ZNF281: variants seen among roughly 807,000 people sequenced by gnomAD.
The protein encoded by ZNF281 is zinc finger protein 281.
A neutral mutation model predicts 58.8 loss-of-function variants in ZNF281; 2 were observed. That is an observed-to-expected ratio of 0.03 (90% CI 0.01 to 0.11). The LOEUF (loss-of-function observed/expected upper bound fraction) is 0.11. ZNF281 is among the 10% of genes least tolerant of loss of function. The pLI, the probability that ZNF281 is intolerant of heterozygous loss-of-function variation, is 1.00. For missense variants in ZNF281, 975 were observed against 1,090.7 expected, an observed-to-expected ratio of 0.89 and a Z score of 1.49; for synonymous variants, 465 against 407.7, an observed-to-expected ratio of 1.14 and a Z score of -1.69.
In ZNF281 at chr1:200,409,503, C is replaced by G; in HGVS notation, c.203G>C (p.Gly68Ala). Residue 68 changes from glycine (G) to alanine (A), a missense_variant, in exon 2 of 2, where the codon GGG becomes GCG. This residue lies in a region of ZNF281 where 370 missense variants were observed against 360.9 expected (regional missense o/e 1.03). Coordinates refer to ENST00000367353, the MANE Select transcript of ZNF281 (RefSeq NM_001281293.2). ...PPVTSFTRPA[G>A]SAAPPPQCVL... ...GCATTGCGGGGGAGGGGCGGCCGAC[C>G]CCGCCGGCCGGGTGAAGCTGGTGAC... The G allele has an allele frequency of 6.5e-7, 1 of 1,548,980 alleles. No individual in the cohort carries two copies. Among genetic ancestry groups the G allele is most frequent in the Non-Finnish European group, 8.7e-7 (1 of 1,146,312 alleles).
rs1245615719 is a variant in ZNF281, at chr1:200,408,881, G to A, written c.825C>T (p.His275=). ...HCSAAFRSSY[H]LRRHVLIHTG... ...TATGAATGAGGACATGTCTCCGCAG[G>A]TGATAGGAGCTTCGGAAAGCAGCAC... The change falls in exon 2 of 2, where the codon CAC becomes CAT. Residue 275 remains histidine, a synonymous_variant. Transcript: ENST00000367353. 11 of 1,614,120 alleles carry A rather than the reference G, an allele frequency of 6.8e-6. No homozygotes were observed. Among genetic ancestry groups the A allele is most frequent in the Non-Finnish European group, 8.5e-6 (10 of 1,180,048 alleles).
At position 200,408,752 on chromosome 1, in the gene ZNF281, T is replaced by A. The variant is rs1415658595; in HGVS notation, c.954A>T (p.Gly318=). Residue 318 remains glycine, a synonymous_variant, in exon 2 of 2, where the codon GGA becomes GGT. Transcript: ENST00000367353. The part of the protein sequence containing the change: ...EKIHSREKPF[G]CDQCSMKFIQ... ...TAAACTTCATGCTGCACTGATCACA[T>A]CCAAATGGCTTCTCTCTACTATGAA... The A allele has an allele frequency of 6.2e-7, 1 of 1,614,036 alleles. No individual in the cohort carries two copies. The highest frequency in any genetic ancestry group is 1.3e-5 in the African/African-American group (1 of 74,950).
rs914113830 is a variant in ZNF281 at position 200,406,155 on chromosome 1, A to T, written c.*863T>A. On this transcript the variant is annotated 3_prime_UTR_variant, in exon 2 of 2. Coordinates refer to ENST00000367353, the MANE Select transcript of ZNF281 (RefSeq NM_001281293.2). ...TGCCCCAAATTTCAGTTAATCATAT[A>T]ATTTCAACTTGAGTTCTAATACTGG... 2 of 152,452 alleles carry T rather than the reference A, an allele frequency of 1.3e-5. No homozygotes were observed. The highest frequency in any genetic ancestry group is 2.9e-5 in the Non-Finnish European group (2 of 68,022). 9.4% of individuals were successfully genotyped at this position (152,452 alleles called of 1,614,324 possible).
rs1416943625 is a variant in ZNF281, at chr1:200,405,971, T to C, written c.*1047A>G. Reference sequence around the variant, plus strand: ...AGTGAATTACCTACTGGAATGTAAATGGTTCTAAAATTAAAACTGTTAAAA... The same window carrying C: ...AGTGAATTACCTACTGGAATGTAAACGGTTCTAAAATTAAAACTGTTAAAA... On this transcript the variant is annotated 3_prime_UTR_variant, in exon 2 of 2. Coordinates refer to ENST00000367353, the MANE Select transcript of ZNF281 (RefSeq NM_001281293.2). 6.6e-6 allele frequency: 1 copy of C among 151,904 alleles called. No homozygotes were observed. Among genetic ancestry groups the C allele is most frequent in the East Asian group, 1.9e-4 (1 of 5,176 alleles). The allele number at this position is 151,904 out of a possible 1,614,324, so 9.4% of individuals were successfully genotyped here.
chr1:200,410,028 C>A lies in ZNF281; in HGVS notation c.-101G>T. 2.2e-6 allele frequency: 1 copy of A among 456,024 alleles called. No homozygotes were observed. Among genetic ancestry groups the A allele is most frequent in the Non-Finnish European group, 3.9e-6 (1 of 255,000 alleles). The allele number at this position is 456,024 out of a possible 1,614,324, so 28.2% of individuals were successfully genotyped here. ...TCTCCACAATGGAATTAAAAGCCTC[C>A]CGTGTACTGCGCAGCCGCGGCGCAG... is the stretch of plus-strand genomic sequence containing the variant. On this transcript the variant is annotated 5_prime_UTR_variant, in exon 1 of 2. Coordinates refer to ENST00000367353, the MANE Select transcript of ZNF281 (RefSeq NM_001281293.2).
At position 200,409,349 on chromosome 1, in the gene ZNF281, C is replaced by A. The variant is rs757886747; in HGVS notation, c.357G>T (p.Gly119=). 7.7e-6 allele frequency: 12 copies of A among 1,557,974 alleles called. No individual in the cohort carries two copies. In the East Asian group the frequency reaches 2.4e-4, roughly 31 times the overall value. ...AAFPSQRTSW[G]FLQSLVSIKQ... is the part of the protein sequence containing the mutation. ...TGATGCTAACCAAAGACTGCAAGAACCCCCAGGAGGTCCTCTGCGAGGGGA... is the reference window on the plus strand; with the variant it reads ...TGATGCTAACCAAAGACTGCAAGAAACCCCAGGAGGTCCTCTGCGAGGGGA... The change falls in exon 2 of 2, where the codon GGG becomes GGT. Residue 119 remains glycine, a synonymous_variant. Transcript: ENST00000367353.
Position 200,409,433 on chromosome 1 carries a change from G to C in ZNF281, c.273C>G (p.Pro91=), listed in dbSNP as rs561151390. ...STSAAPAAEP[P]PPPAPDMTFK... is the part of the protein sequence containing the mutation. ...AAGTCATGTCCGGGGCTGGCGGAGG[G>C]GGGGGCTCAGCGGCCGGGGCTGCGG... Residue 91 remains proline, a synonymous_variant, in exon 2 of 2, where the codon CCC becomes CCG. Coordinates refer to ENST00000367353, the MANE Select transcript of ZNF281 (RefSeq NM_001281293.2). The C allele has an allele frequency of 4.2e-5, 64 of 1,523,696 alleles. No homozygotes were observed. The Admixed American group carries it at 9.2e-4, about 22-fold the overall frequency. The allele number at this position is 1,523,696 out of a possible 1,614,324, so 94.4% of individuals were successfully genotyped here.
chr1:200,409,278 T>C lies in ZNF281; in HGVS notation c.428A>G (p.His143Arg). ...CCCCCCATAGTGGTGGTGGTGATGG[T>C]GGTGGTGGGACTGCTGCTCCTCAGG... ...ADPEEQQSHH[H>R]HHHHHYGGLF... Residue 143 changes from histidine to arginine, a missense_variant, in exon 2 of 2, where the codon CAC (histidine) becomes CGC (arginine). Around this residue, in one of 3 missense-constraint regions of ZNF281, gnomAD observed 370 missense variants for 360.9 expected, o/e 1.03. Transcript: ENST00000367353. The C allele has an allele frequency of 6.2e-7, 1 of 1,612,972 alleles. No homozygotes were observed. The highest frequency in any genetic ancestry group is 1.1e-5 in the South Asian group (1 of 90,932).
In ZNF281 at chr1:200,409,418, C is replaced by G. The variant is rs991303805; in HGVS notation, c.288G>C (p.Pro96=). ...CCGGCTCCTTCTTGAAAGTCATGTC[C>G]GGGGCTGGCGGAGGGGGGGGCTCAG... ...PAAEPPPPPA[P]DMTFKKEPAA... The change falls in exon 2 of 2, where the codon CCG becomes CCC. Residue 96 remains proline (P), a synonymous_variant. Transcript: ENST00000367353. 2.0e-6 allele frequency: 3 copies of G among 1,507,634 alleles called. No homozygotes were observed. In the East Asian group the frequency reaches 7.6e-5, roughly 38 times the overall value. The allele number at this position is 1,507,634 out of a possible 1,614,324, so 93.4% of individuals were successfully genotyped here.
At position 200,409,740 on chromosome 1, in the gene ZNF281, G is replaced by C; in HGVS notation, c.-18-17C>G. On this transcript the variant is annotated splice_polypyrimidine_tract_variant and intron_variant, in intron 1 of 1. Coordinates refer to ENST00000367353, the MANE Select transcript of ZNF281 (RefSeq NM_001281293.2). ...GAGGCCTGGCTGAAGAAAGGAGGAGGAAGAGGGAAGAGGGAGGAAAGGAGG... is the reference window on the plus strand; with the variant it reads ...GAGGCCTGGCTGAAGAAAGGAGGAGCAAGAGGGAAGAGGGAGGAAAGGAGG... The C allele has an allele frequency of 1.3e-6, 2 of 1,583,504 alleles. No individual in the cohort carries two copies. The highest frequency in any genetic ancestry group is 1.7e-6 in the Non-Finnish European group (2 of 1,168,568).
Position 200,408,461 on chromosome 1 carries a change from A to G in ZNF281, c.1245T>C (p.Asn415=), listed in dbSNP as rs1654518639. 1 of 1,614,064 alleles carries G rather than the reference A, an allele frequency of 6.2e-7. No homozygotes were observed. The highest frequency in any genetic ancestry group is 8.5e-7 in the Non-Finnish European group (1 of 1,180,016). Residue 415 remains asparagine (N), a synonymous_variant, in exon 2 of 2, where the codon AAT becomes AAC. Transcript: ENST00000367353. ...TTGTTTTACCGGTCTTCTGTTCCTTATTTTCAATAGCTATGCTTTTTGACT... is the reference window on the plus strand; with the variant it reads ...TTGTTTTACCGGTCTTCTGTTCCTTGTTTTCAATAGCTATGCTTTTTGACT... The part of the protein sequence containing the change: ...KTKSKSIAIE[N]KEQKTGKTNE...
At position 200,405,831 on chromosome 1, in the gene ZNF281, C is replaced by T. The variant is rs979875563; in HGVS notation, c.*1187G>A. On this transcript the variant is annotated 3_prime_UTR_variant, in exon 2 of 2. Coordinates refer to ENST00000367353, the MANE Select transcript of ZNF281 (RefSeq NM_001281293.2). ...CCTTATTAATATCTATCCAAGAACACGGGGTTTTATTACATATGGAAATCT... is the reference window on the plus strand; with the variant it reads ...CCTTATTAATATCTATCCAAGAACATGGGGTTTTATTACATATGGAAATCT... The T allele has an allele frequency of 6.0e-5, 9 of 148,890 alleles. No individual in the cohort carries two copies. Among genetic ancestry groups the T allele is most frequent in the African/African-American group, 2.0e-4 (8 of 40,262 alleles). 9.2% of individuals were successfully genotyped at this position (148,890 alleles called of 1,614,324 possible). A position where few individuals can be genotyped will look rare whatever the true frequency, so the allele number is the denominator to read the frequency against.
In ZNF281 at chr1:200,407,426, T is replaced by G; in HGVS notation, c.2280A>C (p.Thr760=). The G allele has an allele frequency of 6.2e-7, 1 of 1,614,156 alleles. No homozygotes were observed. Among genetic ancestry groups the G allele is most frequent in the Non-Finnish European group, 8.5e-7 (1 of 1,180,042 alleles). Residue 760 remains threonine, a synonymous_variant, in exon 2 of 2, where the codon ACA becomes ACC. Transcript: ENST00000367353. ...TCAGATCATCCAGCTCCTGGGAAGGTGTCAACTGCTGATGTGTAGCATCCA... is the reference window on the plus strand; with the variant it reads ...TCAGATCATCCAGCTCCTGGGAAGGGGTCAACTGCTGATGTGTAGCATCCA... ...SALDATHQQL[T]PSQELDDLID...
rs776980154 is a variant in ZNF281 at position 200,407,620 on chromosome 1, A to G, written c.2086T>C (p.Ser696Pro). The G allele has an allele frequency of 6.2e-7, 1 of 1,614,250 alleles. No homozygotes were observed. Among genetic ancestry groups the G allele is most frequent in the South Asian group, 1.1e-5 (1 of 91,088 alleles). Residue 696 changes from serine to proline, a missense_variant, in exon 2 of 2, where the codon TCT (serine) becomes CCT (proline). Around this residue, in one of 3 missense-constraint regions of ZNF281, gnomAD observed 579 missense variants for 608.9 expected, o/e 0.95. Transcript: ENST00000367353. ...LGHGFQFVSL[S>P]SPLHNHTLFP... ...AAAGTGTGGTTGTGGAGAGGTGAAG[A>G]CAAACTGACAAATTGGAAACCGTGT...
In ZNF281 at chr1:200,409,926, G is replaced by C. The variant is rs1571697612; in HGVS notation, c.-19+20C>G. The C allele has an allele frequency of 4.5e-6, 3 of 664,320 alleles. No individual in the cohort carries two copies. In the African/African-American group the frequency reaches 5.7e-5, roughly 13 times the overall value. 41.2% of individuals were successfully genotyped at this position (664,320 alleles called of 1,614,324 possible). A position where few individuals can be genotyped will look rare whatever the true frequency, so the allele number is the denominator to read the frequency against. ...CCCAGGCCTCGCCCTCTCCCTCCTG[G>C]ACCCACCGGCAATACTTACGGGTCC... On this transcript the variant is annotated intron_variant, in intron 1 of 1. Transcript: ENST00000367353.
Position 200,408,989 on chromosome 1 carries a change from T to C in ZNF281, c.717A>G (p.Ala239=). ...QGIKAKRKPS[A]SSKPSLVGDG... Reference sequence around the variant, plus strand: ...CTCCAACCAAAGAAGGTTTGGAAGATGCACTTGGCTTCCTCTTGGCTTTGA... The same window carrying C: ...CTCCAACCAAAGAAGGTTTGGAAGACGCACTTGGCTTCCTCTTGGCTTTGA... Residue 239 remains alanine (A), a synonymous_variant, in exon 2 of 2, where the codon GCA becomes GCG. Coordinates refer to ENST00000367353, the MANE Select transcript of ZNF281 (RefSeq NM_001281293.2). 6.2e-7 allele frequency: 1 copy of C among 1,614,254 alleles called. No individual in the cohort carries two copies. Among genetic ancestry groups the C allele is most frequent in the Non-Finnish European group, 8.5e-7 (1 of 1,180,048 alleles).
chr1:200,407,504 C>T lies in ZNF281; in HGVS notation c.2202G>A (p.Lys734=). The change falls in exon 2 of 2, where the codon AAG becomes AAA. Residue 734 remains lysine, a synonymous_variant. Transcript: ENST00000367353. Reference sequence around the variant, plus strand: ...ATCCAAACAACATCCCAAAAGGAGGCTTTGGCAATGAAGATGGCAACACTG... The same window carrying T: ...ATCCAAACAACATCCCAAAAGGAGGTTTTGGCAATGAAGATGGCAACACTG... The part of the protein sequence containing the change: ...VTSVLPSSLP[K]PPFGMLFGSQ... 5 of 1,614,152 alleles carry T rather than the reference C, an allele frequency of 3.1e-6. No homozygotes were observed. Among genetic ancestry groups the T allele is most frequent in the Non-Finnish European group, 3.4e-6 (4 of 1,180,020 alleles).
rs764287489 is a variant in ZNF281 at position 200,407,642 on chromosome 1, G to A, written c.2064C>T (p.His688=). 2.5e-6 allele frequency: 4 copies of A among 1,614,216 alleles called. No individual in the cohort carries two copies. The Admixed American group carries it at 5.0e-5, about 20-fold the overall frequency. The change falls in exon 2 of 2, where the codon CAC becomes CAT. Residue 688 remains histidine, a synonymous_variant. Transcript: ENST00000367353. ...KSTNASFTLG[H]GFQFVSLSSP... is the part of the protein sequence containing the mutation. ...AAGACAAACTGACAAATTGGAAACC[G>A]TGTCCAAGAGTAAAACTTGCATTAG...
chr1:200,409,861 G>C, intron 1 of ZNF281, 85 bp downstream of exon 1: 6 of 1,165,536 alleles, frequency 5.1e-6, no homozygotes, highest in Non-Finnish European at 7.0e-6. Context: ...TCCCAGCCCA[G>C]TCGCCTCCGG....
Sources: allele counts gnomAD v4.1 joint callset, GRCh38; gene constraint gnomAD v4.1.1; regional missense constraint gnomAD v4.1.1; transcripts MANE v1.5; gene names NCBI Gene and HGNC (gene_info 2026-07-23, HGNC 2026-07-21).